BTBD3: variants seen among roughly 807,000 people sequenced by gnomAD.
BTBD3 encodes BTB domain containing 3.
In BTBD3, 14 loss-of-function variants were observed where a neutral mutation model predicts 41.6. The observed-to-expected ratio is 0.34, with a 90% CI of 0.22 to 0.53. The LOEUF is 0.53. Among genes scored for constraint, BTBD3 ranks in the 20% least tolerant of loss-of-function variants. The probability of loss-of-function intolerance (pLI) is 0.95; values close to 1 mark genes in which losing one functional copy is unlikely to be tolerated. For synonymous variants in BTBD3, 249 were observed against 233.7 expected (o/e 1.07, Z -0.60); for missense variants, 426 against 654.7 (o/e 0.65, Z 3.81).
At chr20:11,914,484 G>A (rs974393183), upstream of BTBD3, among the ~76,000 whole-genome samples, 1 of 152,128 alleles carries the variant, frequency 6.6e-6, no homozygotes, top group East Asian at 1.9e-4. Flanking sequence ...TTCACCGACA[G>A]CTTGAGGAGT....
intron 1 of BTBD3, chr20:11,890,984 C>A: frequency 1.0e-5 from 10 of 981,430 alleles, no homozygotes; most frequent in Non-Finnish European, 1.2e-5. Flanking sequence ...GCGAGCGGGT[C>A]GGCGCCTCCG....
At chr20:11,910,676 A>C (rs2056883887) in intron 1 of BTBD3, among the ~76,000 whole-genome samples, 1 of 152,202 alleles carries the variant, frequency 6.6e-6, no homozygotes, top group Admixed American at 6.5e-5. Flanking sequence ...GTAAGTTAAT[A>C]AATCTTGAAT....
In BTBD3 at chr20:11,923,333, G is replaced by T; in HGVS notation, c.1236G>T (p.Leu412=). ...GAGTGTTCATTGCTGGCTTTGGGCTGTATGGCTCCAGCTGTGGTTCTGCAG... is the reference window on the plus strand; with the variant it reads ...GAGTGTTCATTGCTGGCTTTGGGCTTTATGGCTCCAGCTGTGGTTCTGCAG... ...DKRVFIAGFG[L]YGSSCGSAEY... Residue 412 remains leucine, a synonymous_variant, in exon 4 of 4, where the codon CTG becomes CTT. Transcript: ENST00000378226. The surrounding 1 kb of genome is among the most constrained non-coding windows in gnomAD (Gnocchi z 5.3). 6.2e-7 allele frequency: 1 copy of T among 1,614,242 alleles called. No homozygotes were observed. The highest frequency in any genetic ancestry group is 8.5e-7 in the Non-Finnish European group (1 of 1,180,044).
chr20:11,892,952 A>C (rs1791071639), intron 1 of BTBD3, among the ~76,000 whole-genome samples: 1 of 152,214 alleles, frequency 6.6e-6, no homozygotes, highest in South Asian at 2.1e-4. Context: ...AAAATGTTAA[A>C]CTGCTTGTAA....
At position 11,925,705 on chromosome 20, in the gene BTBD3, T is replaced by C. The variant is rs1268198318; in HGVS notation, c.*2039T>C. ...CTGCTGTGCAAATTGGTAGACCTTA[T>C]AAGAAGGCACTTGTTTGTAAGCCAG... On this transcript the variant is annotated 3_prime_UTR_variant, in exon 4 of 4. Transcript: ENST00000378226. The C allele has an allele frequency of 6.6e-6, 1 of 152,642 alleles. No homozygotes were observed. The highest frequency in any genetic ancestry group is 1.5e-5 in the Non-Finnish European group (1 of 68,042). The allele number at this position is 152,642 out of a possible 1,614,324, so 9.5% of individuals were successfully genotyped here.
chr20:11,891,056 C>G (rs2056748501), intron 1 of BTBD3: 2 of 828,708 alleles, frequency 2.4e-6, no homozygotes, highest in African/African-American at 1.9e-5. Context: ...CCGGAGGGGC[C>G]GAGCGAAGCG....
intron 1 of BTBD3, among the ~76,000 whole-genome samples, chr20:11,902,106 T>C (rs530777895): frequency 6.7e-6 from 1 of 148,254 alleles, no homozygotes; most frequent in African/African-American, 2.5e-5. Context: ...TCACAAAAAC[T>C]TAACTAATAG....
chr20:11,896,419 C>T (rs1289562815), intron 1 of BTBD3, among the ~76,000 whole-genome samples: 2 of 152,132 alleles, frequency 1.3e-5, no homozygotes, highest in Non-Finnish European at 2.9e-5. Flanking sequence ...GATAATGACA[C>T]TTTTATCTAC....
chr20:11,913,160 C>T (rs2056899339), upstream of BTBD3, among the ~76,000 whole-genome samples: 1 of 152,218 alleles, frequency 6.6e-6, no homozygotes, highest in South Asian at 2.1e-4. Flanking sequence ...AACCTCACTG[C>T]TGTTGCTTTT....
intron 1 of BTBD3, chr20:11,891,188 G>GAA (rs1314605170): frequency 1.2e-5 from 2 of 160,654 alleles, no homozygotes; most frequent in Non-Finnish European, 2.6e-5. Flanking sequence ...GGGGGGGGGG[G>GAA]TCCCAGTGGG....
In BTBD3 at chr20:11,919,120, G is replaced by A. The variant is rs773850514; in HGVS notation, c.361G>A (p.Asp121Asn). Residue 121 changes from aspartate to asparagine, a missense_variant, in exon 2 of 4, where the codon GAT becomes AAT. Physicochemically the swap from Asp to Asn is conservative, Grantham distance 23 (BLOSUM62 1). Around this residue, in one of 3 missense-constraint regions of BTBD3, gnomAD observed 321 missense variants for 534.8 expected, o/e 0.60. Transcript: ENST00000378226. ...AMMFNNDLMA[D>N]VHFVVGPPGG... ...GATGTTCAATAATGATTTGATGGCAGATGTACATTTTGTGGTTGGGCCACC... is the reference window on the plus strand; with the variant it reads ...GATGTTCAATAATGATTTGATGGCAAATGTACATTTTGTGGTTGGGCCACC... The A allele has an allele frequency of 3.7e-6, 6 of 1,613,834 alleles. No homozygotes were observed. The highest frequency in any genetic ancestry group is 5.1e-6 in the Non-Finnish European group (6 of 1,179,838).
intron 1 of BTBD3, among the ~76,000 whole-genome samples, chr20:11,908,657 A>G (rs1017733394): frequency 5.3e-5 from 8 of 152,084 alleles, no homozygotes; most frequent in African/African-American, 1.9e-4. Context: ...TTTAGAGAAT[A>G]TTAGAGAATT....
upstream of BTBD3, among the ~76,000 whole-genome samples, chr20:11,916,668 G>GT (rs1171019045): frequency 6.6e-6 from 1 of 152,088 alleles, no homozygotes; most frequent in Non-Finnish European, 1.5e-5. Context: ...AATAACAATC[G>GT]TAACTCTTAT....
chr20:11,905,710 C>T (rs754555283), intron 1 of BTBD3, among the ~76,000 whole-genome samples: 4 of 152,154 alleles, frequency 2.6e-5, no homozygotes, highest in Non-Finnish European at 5.9e-5. Context: ...AAACCAGCAG[C>T]ATCAATAGTA....
At chr20:11,891,879 T>C (rs1290591396) in intron 1 of BTBD3, among the ~76,000 whole-genome samples, 3 of 152,098 alleles carry the variant, frequency 2.0e-5, no homozygotes, top group Non-Finnish European at 4.4e-5. Context: ...AATCCTGTAA[T>C]ACAGTTTCCC....
At chr20:11,909,120 C>G (rs1482484818) in intron 1 of BTBD3, among the ~76,000 whole-genome samples, 2 of 151,894 alleles carry the variant, frequency 1.3e-5, no homozygotes, top group African/African-American at 4.8e-5. Context: ...ACTAAAAATA[C>G]AAACTTAGCC....
Position 11,923,391 on chromosome 20 carries a change from G to T in BTBD3, c.1294G>T (p.Gly432Cys). ...YSAKIELKRQ[G>C]VVLGQNLSKY... ...TGCCAAGATTGAACTTAAGCGGCAG[G>T]GCGTTGTCCTGGGGCAGAACTTGAG... The change falls in exon 4 of 4, where the codon GGC becomes TGC. Residue 432 changes from glycine (G) to cysteine (C), a missense_variant. Gly to Cys is a radical substitution (Grantham distance 159, BLOSUM62 -3). Around this residue, in one of 3 missense-constraint regions of BTBD3, gnomAD observed 321 missense variants for 534.8 expected, o/e 0.60. Transcript: ENST00000378226. This position sits in a 1 kb window ranked among gnomAD's most constrained non-coding sequence, Gnocchi z 5.3. The T allele has an allele frequency of 6.2e-7, 1 of 1,614,208 alleles. No homozygotes were observed. Among genetic ancestry groups the T allele is most frequent in the Non-Finnish European group, 8.5e-7 (1 of 1,180,040 alleles).
At position 11,918,694 on chromosome 20, in the gene BTBD3, G is replaced by A. The variant is rs576824916; in HGVS notation, c.326+93G>A. On this transcript the variant is annotated intron_variant, in intron 1 of 3. Transcript: ENST00000378226. ...CTGTAATGTATTTGAACACAAATCT[G>A]TTTCCTCTTTTCCCAGAAGCTTTTT... 1.9e-5 allele frequency: 25 copies of A among 1,335,638 alleles called. No homozygotes were observed. In the South Asian group the frequency reaches 3.7e-4, roughly 20 times the overall value. 82.7% of individuals were successfully genotyped at this position (1,335,638 alleles called of 1,614,324 possible).
Position 11,917,945 on chromosome 20 carries a change from C to T in BTBD3, c.-331C>T. The T allele has an allele frequency of 9.7e-7, 1 of 1,033,222 alleles. No individual in the cohort carries two copies. Among genetic ancestry groups the T allele is most frequent in the Non-Finnish European group, 1.2e-6 (1 of 859,554 alleles). The allele number at this position is 1,033,222 out of a possible 1,614,324, so 64.0% of individuals were successfully genotyped here. The stretch of plus-strand genomic sequence containing the variant: ...ACTCACGCAGCTCCAGCCCATCTTG[C>T]TGACCTAATTCAGAAAAGAAGTGCT... On this transcript the variant is annotated 5_prime_UTR_variant, in exon 1 of 4. Coordinates refer to ENST00000378226, the MANE Select transcript of BTBD3 (RefSeq NM_014962.4).
Sources: gnomAD v4.1 joint callset for allele counts (sites outside exome capture counted in the v4.1 genomes callset) on GRCh38, gnomAD v4.1.1 for gene constraint, gnomAD v4.1.1 regional missense constraint, Gnocchi (gnomAD v3.1) non-coding constraint, MANE v1.5 for transcripts, NCBI Gene and HGNC (gene_info 2026-07-23, HGNC 2026-07-21) for gene names.